The following PLCB4 variants were observed in gnomAD, a reference collection of about 807,000 sequenced individuals.
PLCB4 encodes phospholipase C beta 4.
In PLCB4, 77 loss-of-function variants were observed where a neutral mutation model predicts 178.8. That is an observed-to-expected ratio of 0.43 (90% CI 0.36 to 0.52). The LOEUF (loss-of-function observed/expected upper bound fraction) is 0.52, where lower values mean the gene tolerates loss of function less well. Among genes scored for constraint, PLCB4 ranks in the 20% least tolerant of loss-of-function variants. The pLI is 0.00. For missense variants in PLCB4, 1,024 were observed against 1,453.4 expected (o/e 0.70, Z 4.80); for synonymous variants, 496 against 490.8 (o/e 1.01, Z -0.14).
chr20:9,147,420 G>T (rs1381902258), intron 2 of PLCB4, among the ~76,000 whole-genome samples: 1 of 152,102 alleles, frequency 6.6e-6, no homozygotes. Flanking sequence ...AACTGCAGTG[G>T]AATAGAATAA....
chr20:9,167,736 C>G (rs1424343047), intron 2 of PLCB4, among the ~76,000 whole-genome samples: 2 of 152,154 alleles, frequency 1.3e-5, no homozygotes, highest in African/African-American at 4.8e-5. Flanking sequence ...GAAACTTGTA[C>G]TTAGTACCGA....
intron 2 of PLCB4, among the ~76,000 whole-genome samples, chr20:9,163,011 C>T (rs1029584323): frequency 6.6e-6 from 1 of 152,092 alleles, no homozygotes; most frequent in Non-Finnish European, 1.5e-5. Flanking sequence ...GCTAGCAGTT[C>T]AGCATCACTG....
intron 4 of PLCB4, among the ~76,000 whole-genome samples, chr20:9,319,349 TG>T (rs1414774166): frequency 6.6e-6 from 1 of 152,218 alleles, no homozygotes; most frequent in Non-Finnish European, 1.5e-5. Context: ...AAATTATTTT[TG>T]TCATTACTTG....
intron 2 of PLCB4, among the ~76,000 whole-genome samples, chr20:9,146,403 G>A (rs1182003245): frequency 6.6e-6 from 1 of 152,080 alleles, no homozygotes; most frequent in African/African-American, 2.4e-5. Context: ...TAGGGGTGAG[G>A]GAGAAAGGAG....
intron 32 of PLCB4, among the ~76,000 whole-genome samples, chr20:9,445,126 G>T (rs1011999156): frequency 2.0e-5 from 3 of 152,156 alleles, no homozygotes; most frequent in African/African-American, 7.2e-5. Context: ...TCTCCTGTGG[G>T]TTGAAAAACG....
chr20:9,423,996 C>G (rs945008662), intron 28 of PLCB4, 44 bp downstream of exon 28: 2 of 1,191,566 alleles, frequency 1.7e-6, no homozygotes, highest in Non-Finnish European at 2.5e-6. Flanking sequence ...AGATGAGGTC[C>G]TAGATTATAA....
At chr20:9,375,444 A>C (rs2036588174) in intron 12 of PLCB4, among the ~76,000 whole-genome samples, 1 of 152,186 alleles carries the variant, frequency 6.6e-6, no homozygotes, top group Non-Finnish European at 1.5e-5. Context: ...CTGCATTGGA[A>C]GCCCCTGTGA....
At chr20:9,396,586 A>T (rs982142265) in intron 19 of PLCB4, among the ~76,000 whole-genome samples, 1 of 152,172 alleles carries the variant, frequency 6.6e-6, no homozygotes, top group Non-Finnish European at 1.5e-5. Flanking sequence ...TTTGTTTGTT[A>T]TGTTTCATGA....
chr20:9,110,963 C>G (rs1430552074), intron 2 of PLCB4, among the ~76,000 whole-genome samples: 2 of 152,204 alleles, frequency 1.3e-5, no homozygotes, highest in Non-Finnish European at 1.5e-5. Flanking sequence ...TTTTTGACTA[C>G]TTGTATTCAT....
intron 2 of PLCB4, among the ~76,000 whole-genome samples, chr20:9,122,633 G>C (rs921612114): frequency 3.3e-5 from 5 of 152,152 alleles, no homozygotes; most frequent in African/African-American, 1.2e-4. Context: ...GACATTAGAA[G>C]TAGGGAGATC....
chr20:9,479,088 T>G lies in PLCB4; in HGVS notation c.*79T>G, dbSNP rs991080941. 2.0e-6 allele frequency: 2 copies of G among 981,992 alleles called. No individual in the cohort carries two copies. Among genetic ancestry groups the G allele is most frequent in the Middle Eastern group, 2.1e-4 (1 of 4,868 alleles). The allele number at this position is 981,992 out of a possible 1,614,324, so 60.8% of individuals were successfully genotyped here. ...ACTCCATGGATGAAAGCTGTTTATTTTGTTTCCTTTATGTGTAAACAAGAT... is the reference window on the plus strand; with the variant it reads ...ACTCCATGGATGAAAGCTGTTTATTGTGTTTCCTTTATGTGTAAACAAGAT... On this transcript the variant is annotated 3_prime_UTR_variant, in exon 40 of 40. Transcript: ENST00000378473.
At chr20:9,343,646 G>A (rs2033480845) in intron 7 of PLCB4, among the ~76,000 whole-genome samples, 1 of 152,108 alleles carries the variant, frequency 6.6e-6, no homozygotes, top group African/African-American at 2.4e-5. Context: ...AAATACGTTT[G>A]TGTTGCCACT....
At chr20:9,290,693 T>C (rs1431797114) in intron 3 of PLCB4, among the ~76,000 whole-genome samples, 1 of 152,160 alleles carries the variant, frequency 6.6e-6, no homozygotes, top group East Asian at 1.9e-4. Context: ...GACACAATAG[T>C]AATGCATTGT....
chr20:9,346,607 A>C (rs1480984345), intron 7 of PLCB4, among the ~76,000 whole-genome samples: 2 of 152,150 alleles, frequency 1.3e-5, no homozygotes, highest in African/African-American at 4.8e-5. Flanking sequence ...TCCAAGACTG[A>C]AAGTTGACAT....
intron 4 of PLCB4, among the ~76,000 whole-genome samples, chr20:9,321,947 T>TTTTTC (rs113969569): frequency 0.14 from 19,341 of 135,146 alleles, 4,336 homozygotes; most frequent in African/African-American, 0.5. Flanking sequence ...CTTTTTTTTC[T>TTTTTC]TTTTCTTTTT....
At chr20:9,464,180 C>T (rs1361084515) in intron 35 of PLCB4, among the ~76,000 whole-genome samples, 1 of 152,156 alleles carries the variant, frequency 6.6e-6, no homozygotes, top group East Asian at 1.9e-4. Context: ...TGAATGACTA[C>T]TGGGTAAATA....
chr20:9,249,354 C>G (rs2094156414), intron 3 of PLCB4, among the ~76,000 whole-genome samples: 1 of 152,188 alleles, frequency 6.6e-6, no homozygotes, highest in Non-Finnish European at 1.5e-5. Context: ...GTCGCCTAGG[C>G]TGGTGTGTAG....
intron 3 of PLCB4, among the ~76,000 whole-genome samples, chr20:9,256,838 T>A (rs1485933188): frequency 6.6e-6 from 1 of 152,238 alleles, no homozygotes; most frequent in Non-Finnish European, 1.5e-5. Flanking sequence ...ATTTTCCTAT[T>A]TTCCTGAGGA....
At chr20:9,411,530 C>T (rs1230776682) in intron 25 of PLCB4, among the ~76,000 whole-genome samples, 1 of 152,080 alleles carries the variant, frequency 6.6e-6, no homozygotes, top group African/African-American at 2.4e-5. Context: ...GGGAATAAAC[C>T]TTTGTCCTCT....
Sources: allele counts gnomAD v4.1 joint callset (sites outside exome capture counted in the v4.1 genomes callset), GRCh38; gene constraint gnomAD v4.1.1; transcripts MANE v1.5; gene names NCBI Gene and HGNC (gene_info 2026-07-23, HGNC 2026-07-21).